KIAA1328: variants seen among roughly 807,000 people sequenced by gnomAD.
KIAA1328 encodes protein hinderin.
KIAA1328 carries 52 observed loss-of-function variants against 68.1 expected under a neutral mutation model. That is an observed-to-expected ratio of 0.76 (90% CI 0.61 to 0.96). KIAA1328 has a LOEUF of 0.96. KIAA1328 is among the 40% of genes least tolerant of loss of function. The pLI, the probability that KIAA1328 is intolerant of heterozygous loss-of-function variation, is 0.00. For synonymous variants in KIAA1328, 232 were observed against 239.4 expected (o/e 0.97, Z 0.28); for missense variants, 641 against 677.6 (o/e 0.95, Z 0.60).
intron 5 of KIAA1328, among the ~76,000 whole-genome samples, chr18:36,914,224 C>G (rs890751765): frequency 4.6e-5 from 7 of 152,132 alleles, no homozygotes; most frequent in South Asian, 2.1e-4. Context: ...TCAGCTAAAT[C>G]TATCTCTTTT....
chr18:37,191,874 G>A (rs753236651), intron 9 of KIAA1328, among the ~76,000 whole-genome samples: 20 of 152,092 alleles, frequency 1.3e-4, no homozygotes, highest in Non-Finnish European at 2.6e-4. Context: ...ATTCACTATT[G>A]TCTCTTTCAT....
chr18:37,030,178 G>T (rs2054765702), intron 6 of KIAA1328, among the ~76,000 whole-genome samples: 1 of 150,334 alleles, frequency 6.7e-6, no homozygotes, highest in Non-Finnish European at 1.5e-5. Context: ...ATTTGTTTCT[G>T]CCCTTATGTT....
At chr18:37,211,790 C>T (rs566976996) in intron 9 of KIAA1328, among the ~76,000 whole-genome samples, 28 of 152,178 alleles carry the variant, frequency 1.8e-4, no homozygotes, top group Non-Finnish European at 3.1e-4. Context: ...CCACAGTTCT[C>T]TTTCAAATGA....
At chr18:36,983,141 T>G (rs1337489368) in intron 6 of KIAA1328, among the ~76,000 whole-genome samples, 1 of 152,092 alleles carries the variant, frequency 6.6e-6, no homozygotes, top group African/African-American at 2.4e-5. Context: ...TATTTTTCAG[T>G]GGTTTAAGCA....
intron 6 of KIAA1328, among the ~76,000 whole-genome samples, chr18:36,994,134 C>A (rs549998269): frequency 6.6e-6 from 1 of 151,910 alleles, no homozygotes; most frequent in Non-Finnish European, 1.5e-5. Flanking sequence ...TAAAATTAAC[C>A]TAGTTGAGTT....
At chr18:36,992,474 T>A (rs998075654) in intron 6 of KIAA1328, among the ~76,000 whole-genome samples, 1 of 121,136 alleles carries the variant, frequency 8.3e-6, no homozygotes, top group Admixed American at 9.0e-5. Context: ...TTTTTTTTTT[T>A]TTGCTATATG....
chr18:37,022,577 CT>C (rs1232708170), intron 6 of KIAA1328, among the ~76,000 whole-genome samples: 1 of 152,032 alleles, frequency 6.6e-6, no homozygotes, highest in African/African-American at 2.4e-5. Flanking sequence ...AAGTGAAGAC[CT>C]TTGGGTGTTA....
intron 6 of KIAA1328, among the ~76,000 whole-genome samples, chr18:36,978,073 G>A (rs1411198844): frequency 1.3e-5 from 2 of 152,098 alleles, no homozygotes; most frequent in African/African-American, 4.8e-5. Context: ...GAGAGCCACC[G>A]CGCCTGGCCA....
At chr18:37,164,008 G>C (rs1225510876) in intron 8 of KIAA1328, among the ~76,000 whole-genome samples, 3 of 152,174 alleles carry the variant, frequency 2.0e-5, no homozygotes, top group African/African-American at 7.2e-5. Flanking sequence ...ACAGACTAGT[G>C]TTAAGAGTTA....
At chr18:37,186,838 A>G (rs2059812361) in intron 9 of KIAA1328, among the ~76,000 whole-genome samples, 1 of 152,116 alleles carries the variant, frequency 6.6e-6, no homozygotes, top group Non-Finnish European at 1.5e-5. Context: ...TCTTGTTGTC[A>G]TGGGTGCATA....
chr18:37,033,648 A>G (rs1361404490), intron 6 of KIAA1328, among the ~76,000 whole-genome samples: 1 of 152,202 alleles, frequency 6.6e-6, no homozygotes, highest in Non-Finnish European at 1.5e-5. Flanking sequence ...TTCACTCTAC[A>G]TATGTGCAGT....
At chr18:37,172,952 T>C in intron 8 of KIAA1328, 21 bp from the exon 9 acceptor site, 5 of 1,560,624 alleles carry the variant, frequency 3.2e-6, no homozygotes, top group Non-Finnish European at 4.4e-6. Flanking sequence ...GCCCAAATTA[T>C]TTTCTTTATT....
At chr18:36,829,402 G>A in intron 1 of KIAA1328, 3 of 1,352,432 alleles carry the variant, frequency 2.2e-6, no homozygotes, top group Non-Finnish European at 2.8e-6. Flanking sequence ...CTGCAGGTGT[G>A]GGGACACGGC....
chr18:36,921,061 C>G (rs755972662), intron 5 of KIAA1328: 1 of 152,136 alleles, frequency 6.6e-6, no homozygotes, highest in Non-Finnish European at 1.5e-5. Context: ...ATTTTTTTAC[C>G]TTTTCTCTGG....
intron 6 of KIAA1328, among the ~76,000 whole-genome samples, chr18:37,024,383 A>ATG (rs1333713890): frequency 6.8e-6 from 1 of 147,594 alleles, no homozygotes; most frequent in African/African-American, 2.5e-5. Context: ...TTTTATATAT[A>ATG]TATATTTATT....
At chr18:36,868,788 T>G (rs1020700504) in intron 4 of KIAA1328, among the ~76,000 whole-genome samples, 1 of 152,166 alleles carries the variant, frequency 6.6e-6, no homozygotes, top group African/African-American at 2.4e-5. Context: ...ACATGGTTCT[T>G]TTTTAGACCC....
chr18:36,874,050 G>C (rs2048038530), intron 4 of KIAA1328, among the ~76,000 whole-genome samples: 1 of 152,290 alleles, frequency 6.6e-6, no homozygotes, highest in South Asian at 2.1e-4. Flanking sequence ...GTATTCCATT[G>C]TGTATATGTG....
At chr18:37,089,459 C>G (rs1249692330) in intron 7 of KIAA1328, among the ~76,000 whole-genome samples, 1 of 150,052 alleles carries the variant, frequency 6.7e-6, no homozygotes, top group Non-Finnish European at 1.5e-5. Flanking sequence ...ATTGCAACCT[C>G]CACCTTCCGG....
chr18:37,054,437 C>T (rs1475195944), intron 6 of KIAA1328, among the ~76,000 whole-genome samples: 1 of 151,978 alleles, frequency 6.6e-6, no homozygotes, highest in East Asian at 1.9e-4. Context: ...GTGGATTAGA[C>T]AAAGAAAAGT....
Sources: allele counts gnomAD v4.1 joint callset (sites outside exome capture counted in the v4.1 genomes callset), GRCh38; gene constraint gnomAD v4.1.1; transcripts MANE v1.5; gene names NCBI Gene and HGNC (gene_info 2026-07-23, HGNC 2026-07-21).